Variants in ATRX observed in about 807,000 individuals in gnomAD.
ATRX encodes chromatin remodeler ATRX.
A neutral mutation model predicts 172.6 loss-of-function variants in ATRX; 12 were observed. That is an observed-to-expected ratio of 0.07 (90% CI 0.04 to 0.11). ATRX has a LOEUF of 0.11. ATRX is among the 10% of genes least tolerant of loss of function. The probability of loss-of-function intolerance (pLI) is 1.00; values close to 1 mark genes in which losing one functional copy is unlikely to be tolerated. For synonymous variants in ATRX, 674 were observed against 594.7 expected (o/e 1.13, Z -1.94); for missense variants, 1,368 against 1,767.4 (o/e 0.77, Z 4.05).
In ATRX at chrX:77,719,523, G is replaced by A. The variant is rs536378501; in HGVS notation, c.21-2280C>T. Among the ~76,000 whole-genome samples the A allele has an allele frequency of 4.5e-3, 499 of 111,092 alleles. 1 individual carries two copies. The highest frequency in any genetic ancestry group is 0.033 in the Middle Eastern group (7 of 215). The stretch of plus-strand genomic sequence containing the variant: ...GCAAATGGAAAGCAAAAAAAACCAG[G>A]GGCTGCAATCCTAGTCTCTGATAAA... On this transcript the variant is annotated intron_variant, in intron 1 of 34. Coordinates refer to ENST00000373344, the MANE Select transcript of ATRX (RefSeq NM_000489.6).
chrX:77,628,559 G>T (rs782795071), intron 19 of ATRX, among the ~76,000 whole-genome samples: 88 of 112,377 alleles, frequency 7.8e-4, no homozygotes, highest in South Asian at 1.5e-3. Context: ...AACTGTCCAA[G>T]TAAACCTCTA....
intron 1 of ATRX, among the ~76,000 whole-genome samples, chrX:77,741,449 G>T (rs2074865688): frequency 9.3e-6 from 1 of 107,117 alleles, no homozygotes; most frequent in Non-Finnish European, 1.9e-5. Context: ...TTGGGGGGGG[G>T]ATTGCTTCAT....
At chrX:77,762,010 C>T (rs782404946) in intron 1 of ATRX, among the ~76,000 whole-genome samples, 6 of 110,775 alleles carry the variant, frequency 5.4e-5, no homozygotes, top group Non-Finnish European at 7.6e-5. Flanking sequence ...TCTTAAGATA[C>T]GCAATGACTT....
chrX:77,579,938 A>G (rs1557072973), intron 27 of ATRX, among the ~76,000 whole-genome samples: 1 of 112,220 alleles, frequency 8.9e-6, no homozygotes, highest in African/African-American at 3.2e-5. Flanking sequence ...TCAGACTCCA[A>G]TCAGATAAAT....
At chrX:77,718,324 C>T (rs782653358) in intron 1 of ATRX, among the ~76,000 whole-genome samples, 12 of 107,877 alleles carry the variant, frequency 1.1e-4, no homozygotes, top group Admixed American at 1.0e-3. Context: ...AGAGCTCCAT[C>T]GCCCAGGGAA....
chrX:77,764,301 G>T (rs1480496952), intron 1 of ATRX, among the ~76,000 whole-genome samples: 5 of 111,549 alleles, frequency 4.5e-5, no homozygotes, highest in African/African-American at 1.6e-4. Flanking sequence ...TTCTAAGTCT[G>T]CCAGATACCT....
At chrX:77,516,184 A>G (rs1445203980) in intron 34 of ATRX, among the ~76,000 whole-genome samples, 1 of 111,753 alleles carries the variant, frequency 8.9e-6, no homozygotes, top group Non-Finnish European at 1.9e-5. Context: ...ACACAGATTT[A>G]CCTATATAAC....
intron 22 of ATRX, 36 bp downstream of exon 22, chrX:77,616,577 A>G (rs2067365309): frequency 8.7e-7 from 1 of 1,149,817 alleles, no homozygotes; most frequent in African/African-American, 1.8e-5. Flanking sequence ...GAATGTCTTT[A>G]TAGAGAAGAT....
chrX:77,604,176 C>T (rs1557088895), intron 22 of ATRX, among the ~76,000 whole-genome samples: 1 of 111,928 alleles, frequency 8.9e-6, no homozygotes, highest in East Asian at 2.8e-4. Context: ...AAATAAAAAG[C>T]AGCAAAAGAA....
intron 28 of ATRX, among the ~76,000 whole-genome samples, chrX:77,559,808 A>T (rs782193082): frequency 2.1e-4 from 23 of 111,350 alleles, no homozygotes; most frequent in African/African-American, 6.8e-4. Context: ...GGTGATAGGT[A>T]TATAGAAAAC....
chrX:77,709,563 T>C (rs2073006652), intron 2 of ATRX, among the ~76,000 whole-genome samples: 1 of 109,087 alleles, frequency 9.2e-6, no homozygotes, highest in African/African-American at 3.4e-5. Flanking sequence ...CCTTCACAGG[T>C]ACCACTGAAC....
At chrX:77,777,184 T>C (rs1394130308) in intron 1 of ATRX, among the ~76,000 whole-genome samples, 1 of 70,605 alleles carries the variant, frequency 1.4e-5, no homozygotes, top group Non-Finnish European at 2.4e-5. Context: ...TAAAACCCTG[T>C]CTCTACTAAA....
intron 6 of ATRX, among the ~76,000 whole-genome samples, chrX:77,693,599 G>A (rs916581747): frequency 1.8e-5 from 2 of 111,879 alleles, no homozygotes; most frequent in Admixed American, 1.9e-4. Flanking sequence ...GAAATGCTAC[G>A]CTTCTTGAGA....
chrX:77,777,191 T>TAAAAAA (rs782165810), intron 1 of ATRX, among the ~76,000 whole-genome samples: 12 of 21,030 alleles, frequency 5.7e-4, no homozygotes, highest in African/African-American at 7.1e-4. Flanking sequence ...CTGTCTCTAC[T>TAAAAAA]AAAAAAAAAA....
intron 1 of ATRX, among the ~76,000 whole-genome samples, chrX:77,720,617 C>T (rs1175790431): frequency 2.7e-5 from 3 of 111,589 alleles, no homozygotes; most frequent in East Asian, 2.8e-4. Flanking sequence ...CCTCCGAAGA[C>T]TAAACAAGGA....
At chrX:77,647,304 A>C (rs902618863) in intron 15 of ATRX, among the ~76,000 whole-genome samples, 1 of 112,240 alleles carries the variant, frequency 8.9e-6, no homozygotes, top group Non-Finnish European at 1.9e-5. Context: ...AAAGGCATAC[A>C]GTAGAAAAGA....
intron 27 of ATRX, among the ~76,000 whole-genome samples, chrX:77,577,252 C>G (rs1463470555): frequency 2.7e-5 from 3 of 111,412 alleles, no homozygotes; most frequent in Non-Finnish European, 5.7e-5. Context: ...CACAAGAGTT[C>G]CAATGTCTCC....
rs1353324968 is a variant in ATRX at position 77,682,042 on chromosome X, C to G, written c.3214G>C (p.Asp1072His). The G allele has an allele frequency of 3.3e-6, 4 of 1,209,217 alleles. No homozygotes were observed. Among genetic ancestry groups the G allele is most frequent in the Non-Finnish European group, 4.5e-6 (4 of 894,736 alleles). The change falls in exon 9 of 35, where the codon GAT (aspartate) becomes CAT (histidine). Residue 1072 changes from aspartate (D) to histidine (H), a missense_variant. Asp to His is a moderately conservative substitution (Grantham distance 81). Transcript: ENST00000373344. ...TTATCCTCTGAAGAGTCACAACTAT[C>G]TCCTTTCCCTGTTGACTTCTCAGCA... Reference protein sequence around the residue: ...DYAEKSTGKGDSCDSSEDKKS... With the variant: ...DYAEKSTGKGHSCDSSEDKKS...
At chrX:77,524,215 T>A (rs1221466813) in intron 30 of ATRX, among the ~76,000 whole-genome samples, 2 of 111,886 alleles carry the variant, frequency 1.8e-5, no homozygotes, top group Non-Finnish European at 1.9e-5. Context: ...AAATTTAAAA[T>A]ATTCACAAGT....
Sources: gnomAD v4.1 joint callset for allele counts (sites outside exome capture counted in the v4.1 genomes callset) on GRCh38, gnomAD v4.1.1 for gene constraint, MANE v1.5 for transcripts, NCBI Gene and HGNC (gene_info 2026-07-23, HGNC 2026-07-21) for gene names.